HPS5: variants seen among roughly 807,000 people sequenced by gnomAD.
HPS5 encodes the protein HPS5 biogenesis of lysosomal organelles complex 2 subunit 2.
Under a neutral mutation model 128.0 loss-of-function variants are expected in HPS5, and 83 were observed. The observed-to-expected ratio is 0.65, with a 90% confidence interval of 0.54 to 0.78. HPS5 has a LOEUF of 0.78. Among genes scored for constraint, HPS5 ranks in the 30% least tolerant of loss-of-function variants. The pLI is 0.00. For missense variants in HPS5, 1,281 were observed against 1,326.2 expected (o/e 0.97, Z 0.53); for synonymous variants, 475 against 470.2 (o/e 1.01, Z -0.13).
chr11:18,295,832 C>G (rs1860997367), intron 13 of HPS5, among the ~76,000 whole-genome samples, 167 bp downstream of exon 13: 1 of 152,162 alleles, frequency 6.6e-6, no homozygotes, highest in South Asian at 2.1e-4. Flanking sequence ...CAGAGGGAAG[C>G]TAGACTCTCC....
Position 18,301,328 on chromosome 11 carries a change from C to T in HPS5, c.897-412G>A, listed in dbSNP as rs555225687. Among the ~76,000 whole-genome samples, 5 of 151,650 alleles carry T rather than the reference C, an allele frequency of 3.3e-5. No individual in the cohort carries two copies. The East Asian group carries it at 5.8e-4, about 18-fold the overall frequency. On this transcript the variant is annotated intron_variant, in intron 8 of 22. Coordinates refer to ENST00000349215, the MANE Select transcript of HPS5 (RefSeq NM_181507.2). ...AAAATTAGCCGGGCATGGTGACATGCGCTTGTAATCCCAGCTACTCGGGAG... is the reference window on the plus strand; with the variant it reads ...AAAATTAGCCGGGCATGGTGACATGTGCTTGTAATCCCAGCTACTCGGGAG...
chr11:18,297,109 GAACAA>G, intron 11 of HPS5, 125 bp from the exon 12 acceptor site: 1 of 721,812 alleles, frequency 1.4e-6, no homozygotes. Flanking sequence ...TGGCTTATTA[GAACAA>G]ACTGATGAGC....
In HPS5 at chr11:18,291,437, A is replaced by G. The variant is rs1376225446; in HGVS notation, c.2440+5T>C. The G allele has an allele frequency of 6.4e-7, 1 of 1,559,234 alleles. No individual in the cohort carries two copies. ...CTATCTTTGATAAGGCAATCTGAGTATTACCTTTCAATCCTTCAATAAAAG... is the reference window on the plus strand; with the variant it reads ...CTATCTTTGATAAGGCAATCTGAGTGTTACCTTTCAATCCTTCAATAAAAG... On this transcript the variant is annotated splice_donor_5th_base_variant and intron_variant, in intron 16 of 22. Coordinates refer to ENST00000349215, the MANE Select transcript of HPS5 (RefSeq NM_181507.2).
Position 18,295,981 on chromosome 11 carries a change from C to G in HPS5, c.1634+18G>C. On this transcript the variant is annotated intron_variant, in intron 13 of 22. Transcript: ENST00000349215. The stretch of plus-strand genomic sequence containing the variant: ...TAAGATCAGTAATGGAATTAAATGA[C>G]AAGACTAATTGGTTTACCTTTCTTT... The G allele has an allele frequency of 6.2e-7, 1 of 1,609,800 alleles. No individual in the cohort carries two copies. The highest frequency in any genetic ancestry group is 8.5e-7 in the Non-Finnish European group (1 of 1,176,180).
At chr11:18,280,828 T>C (rs1198314400) in intron 22 of HPS5, among the ~76,000 whole-genome samples, 2 of 152,164 alleles carry the variant, frequency 1.3e-5, no homozygotes, top group East Asian at 3.8e-4. Flanking sequence ...ATGAGGTATG[T>C]AGAATAGTAA....
At chr11:18,289,017 G>A (rs1860083507) in intron 16 of HPS5, among the ~76,000 whole-genome samples, 1 of 152,044 alleles carries the variant, frequency 6.6e-6, no homozygotes, top group Non-Finnish European at 1.5e-5. Context: ...TGTAGAGACG[G>A]GGTCTTGCTA....
At chr11:18,298,217 G>A (rs1323917927) in intron 10 of HPS5, among the ~76,000 whole-genome samples, 2 of 152,194 alleles carry the variant, frequency 1.3e-5, no homozygotes, top group South Asian at 2.1e-4. Flanking sequence ...TTAAGGCCAT[G>A]TGTGGTGGCT....
chr11:18,287,518 T>C lies in HPS5; in HGVS notation c.2717+17A>G, dbSNP rs559580593. ...GTCAAAAGAAAGGAGAGTCTGCAAA[T>C]ATGCTCTCCTTCTCACCGCTGATCT... On this transcript the variant is annotated intron_variant, in intron 18 of 22. Transcript: ENST00000349215. 2.5e-6 allele frequency: 4 copies of C among 1,613,410 alleles called. No homozygotes were observed. Among genetic ancestry groups the C allele is most frequent in the East Asian group, 2.2e-5 (1 of 44,870 alleles).
rs915100627 is a variant in HPS5, at chr11:18,291,706, G to T, written c.2176C>A (p.Pro726Thr). ...SLDDLFQICS[P>T]CAIASGLRND... ...CGAAGACCACTTGCAATGGCGCATG[G>T]AGAACATATTTGAAACAGGTCATCC... Residue 726 changes from proline to threonine, a missense_variant, in exon 16 of 23, where the codon CCA (proline) becomes ACA (threonine). Transcript: ENST00000349215. The T allele has an allele frequency of 1.9e-6, 3 of 1,614,056 alleles. No homozygotes were observed. Among genetic ancestry groups the T allele is most frequent in the East Asian group, 4.5e-5 (2 of 44,896 alleles).
At position 18,297,715 on chromosome 11, in the gene HPS5, T is replaced by A; in HGVS notation, c.1167A>T (p.Ala389=). The change falls in exon 11 of 23, where the codon GCA becomes GCT. Residue 389 remains alanine (A), a splice_region_variant and synonymous_variant. Transcript: ENST00000349215. ...ATTTATCTGCAGTCAAAGTTTTTCT[T>A]GCCTAATAAAACAACAGCGCAATGG... ...LFQNSVIASR[A]RKTLTADKLE... 6.2e-7 allele frequency: 1 copy of A among 1,613,858 alleles called. No homozygotes were observed. Among genetic ancestry groups the A allele is most frequent in the South Asian group, 1.1e-5 (1 of 91,082 alleles).
In HPS5 at chr11:18,292,056, T is replaced by C. The variant is rs770657044; in HGVS notation, c.1863-37A>G. ...AGACAAGTATGAAATTCATGTGTCA[T>C]GTGTTTTTCTTAAAACAAATTAATT... On this transcript the variant is annotated intron_variant, in intron 15 of 22. Coordinates refer to ENST00000349215, the MANE Select transcript of HPS5 (RefSeq NM_181507.2). 9.9e-6 allele frequency: 15 copies of C among 1,522,484 alleles called. No homozygotes were observed. In the South Asian group the frequency reaches 1.5e-4, roughly 15 times the overall value. 94.3% of individuals were successfully genotyped at this position (1,522,484 alleles called of 1,614,324 possible). A position where few individuals can be genotyped will look rare whatever the true frequency, so the allele number is the denominator to read the frequency against.
chr11:18,322,087 T>C lies in HPS5; in HGVS notation c.-191A>G, dbSNP rs990550320. The stretch of plus-strand genomic sequence containing the variant: ...CATCCAGGGCAGTACCTCGCAGCTC[T>C]CAGTAGATCGGATCTTGTCTCCCGG... On this transcript the variant is annotated 5_prime_UTR_variant, in exon 1 of 23. Coordinates refer to ENST00000349215, the MANE Select transcript of HPS5 (RefSeq NM_181507.2). The C allele has an allele frequency of 6.6e-6, 1 of 152,348 alleles. No homozygotes were observed. The highest frequency in any genetic ancestry group is 6.5e-5 in the Admixed American group (1 of 15,284). The allele number at this position is 152,348 out of a possible 1,614,324, so 9.4% of individuals were successfully genotyped here. A position where few individuals can be genotyped will look rare whatever the true frequency, so the allele number is the denominator to read the frequency against.
At chr11:18,309,134 A>C (rs1242833813) in intron 5 of HPS5, 55 bp from the exon 6 acceptor site, 17 of 1,506,286 alleles carry the variant, frequency 1.1e-5, no homozygotes, top group Non-Finnish European at 1.5e-5. Flanking sequence ...ATACACATGC[A>C]ATCTCTTCCT....
intron 21 of HPS5, 47 bp from the exon 22 acceptor site, chr11:18,282,267 G>C (rs1376111391): frequency 6.2e-7 from 1 of 1,606,078 alleles, no homozygotes; most frequent in African/African-American, 1.3e-5. Context: ...TTAGCACACT[G>C]ACTGGATACA....
intron 2 of HPS5, among the ~76,000 whole-genome samples, chr11:18,317,308 T>A (rs948372114): frequency 6.6e-6 from 1 of 150,954 alleles, no homozygotes; most frequent in African/African-American, 2.4e-5. Context: ...CAGGCTACAG[T>A]GCAGTGGCAT....
At chr11:18,280,369 AAAC>A (rs1209618540) in intron 22 of HPS5, 1 of 566,344 alleles carries the variant, frequency 1.8e-6, no homozygotes, top group Non-Finnish European at 3.1e-6. Flanking sequence ...GTTTAACAAA[AAAC>A]AACAACAGAA....
intron 20 of HPS5, among the ~76,000 whole-genome samples, chr11:18,284,423 C>T (rs1377507415): frequency 2.0e-5 from 3 of 152,170 alleles, no homozygotes; most frequent in African/African-American, 7.2e-5. Flanking sequence ...TGCTGCCCTA[C>T]TAATCACCAA....
intron 17 of HPS5, 81 bp from the exon 18 acceptor site, chr11:18,287,771 A>G: frequency 6.3e-7 from 1 of 1,584,922 alleles, no homozygotes; most frequent in East Asian, 2.3e-5. Flanking sequence ...ACTTATTACA[A>G]ATGAAAATAA....
At chr11:18,309,512 G>C (rs1216930052) in intron 5 of HPS5, among the ~76,000 whole-genome samples, 1 of 151,514 alleles carries the variant, frequency 6.6e-6, no homozygotes, top group Non-Finnish European at 1.5e-5. Flanking sequence ...CCTGTCTCTA[G>C]ATAAATAAAG....
Sources: allele counts gnomAD v4.1 joint callset (sites outside exome capture counted in the v4.1 genomes callset), GRCh38; gene constraint gnomAD v4.1.1; transcripts MANE v1.5; gene names NCBI Gene and HGNC (gene_info 2026-07-23, HGNC 2026-07-21).